The following ERMP1 variants were observed in gnomAD, a reference collection of about 807,000 sequenced individuals.
ERMP1 encodes endoplasmic reticulum metallopeptidase 1.
A neutral mutation model predicts 92.0 loss-of-function variants in ERMP1; 86 were observed. The observed-to-expected ratio is 0.93, with a 90% CI of 0.79 to 1.12. The LOEUF is 1.12. Ranked by LOEUF, ERMP1 falls within the 50% of genes most tolerant of loss-of-function variation. The pLI, the probability that ERMP1 is intolerant of heterozygous loss-of-function variation, is 0.00. For synonymous variants in ERMP1, 530 were observed against 412.8 expected, an observed-to-expected ratio of 1.28 and a Z score of -3.44; for missense variants, 1,342 against 1,116.3, an observed-to-expected ratio of 1.20 and a Z score of -2.88.
At chr9:5,792,561 A>G (rs13285644) in intron 13 of ERMP1, among the ~76,000 whole-genome samples, 2,937 of 152,298 alleles carry the variant, frequency 0.019, 31 homozygotes, top group Non-Finnish European at 0.025. Flanking sequence ...TAAGGCTCCT[A>G]AATTGCTGGT....
intron 6 of ERMP1, among the ~76,000 whole-genome samples, chr9:5,858,892 C>G (rs1830420322): frequency 6.6e-6 from 1 of 152,188 alleles, no homozygotes; most frequent in Non-Finnish European, 1.5e-5. Context: ...ACCAGGCAGG[C>G]TTCAAGCAGT....
rs375487243 is a variant in ERMP1 at position 5,797,023 on chromosome 9, A to G, written c.2386+794T>C. On this transcript the variant is annotated intron_variant, in intron 13 of 14. Transcript: ENST00000339450. ...TCTACTTAATTTTTCTGTAAACTTA[A>G]CATTGCTCCAAAAAATAAAAATAAT... is the stretch of plus-strand genomic sequence containing the variant. Among the ~76,000 whole-genome samples, 308 of 151,882 alleles carry G rather than the reference A, an allele frequency of 2.0e-3. 1 individual carries two copies. The highest frequency in any genetic ancestry group is 3.5e-3 in the Non-Finnish European group (237 of 67,978).
intron 13 of ERMP1, chr9:5,791,256 C>G (rs1301018870): frequency 2.2e-6 from 1 of 456,724 alleles, no homozygotes; most frequent in Non-Finnish European, 4.4e-6. Context: ...GCTGGCAAGT[C>G]CAAAATCTGA....
Position 5,833,117 on chromosome 9 carries a change from T to C in ERMP1, c.-90A>G. ...CCGCCGTCGCTGCCGCAGCGCCTCC[T>C]AGTGAGCGGACGGAAACTGCAGAGG... is the stretch of plus-strand genomic sequence containing the variant. On this transcript the variant is annotated 5_prime_UTR_variant, in exon 1 of 15. Coordinates refer to ENST00000339450, the MANE Select transcript of ERMP1 (RefSeq NM_024896.3). The C allele has an allele frequency of 8.4e-7, 1 of 1,187,002 alleles. No homozygotes were observed. The highest frequency in any genetic ancestry group is 1.1e-6 in the Non-Finnish European group (1 of 900,434). The allele number at this position is 1,187,002 out of a possible 1,614,324, so 73.5% of individuals were successfully genotyped here.
chr9:5,822,208 T>C (rs998577324), intron 4 of ERMP1, among the ~76,000 whole-genome samples: 5 of 151,846 alleles, frequency 3.3e-5, no homozygotes, highest in African/African-American at 1.2e-4. Flanking sequence ...GCCGAGATCA[T>C]ACCACTACAC....
At chr9:5,863,308 T>A (rs532035630) in intron 5 of ERMP1, among the ~76,000 whole-genome samples, 6 of 152,354 alleles carry the variant, frequency 3.9e-5, no homozygotes, top group African/African-American at 1.4e-4. Context: ...GACTTTAAAG[T>A]AGACGATGCC....
At chr9:5,807,743 C>G (rs1301108200) in intron 8 of ERMP1, among the ~76,000 whole-genome samples, 1 of 151,952 alleles carries the variant, frequency 6.6e-6, no homozygotes, top group Non-Finnish European at 1.5e-5. Flanking sequence ...GAGACTCTGT[C>G]TCAACAACAA....
At chr9:5,787,949 T>C (rs549054039) in intron 13 of ERMP1, among the ~76,000 whole-genome samples, 48 of 152,302 alleles carry the variant, frequency 3.2e-4, no homozygotes, top group South Asian at 1.0e-3. Context: ...GCTGTAACAG[T>C]ACTGAATAGG....
chr9:5,792,411 A>C (rs1180989243), intron 13 of ERMP1, among the ~76,000 whole-genome samples: 3 of 152,222 alleles, frequency 2.0e-5, no homozygotes, highest in African/African-American at 7.2e-5. Flanking sequence ...AAAGGGAATA[A>C]AATGTACCAA....
At chr9:5,845,025 AC>A (rs895795795) in intron 6 of ERMP1, among the ~76,000 whole-genome samples, 2 of 150,048 alleles carry the variant, frequency 1.3e-5, no homozygotes, top group African/African-American at 4.9e-5. Context: ...ATGTCCCCCC[AC>A]CCCCGCCAGC....
At chr9:5,837,606 A>G (rs1164417766), upstream of ERMP1, among the ~76,000 whole-genome samples, 2 of 152,200 alleles carry the variant, frequency 1.3e-5, no homozygotes, top group African/African-American at 4.8e-5. Flanking sequence ...ATGATTTTCA[A>G]AAAACGTTTT....
At position 5,830,754 on chromosome 9, in the gene ERMP1, G is replaced by A; in HGVS notation, c.613C>T (p.His205Tyr). ...GAQHAVLANC[H>Y]FDSVANSPGA... ...GGTGAGTTTGCTACTGAGTCAAAAT[G>A]ACAATTAGCCAAGACAGCATGCTGG... is the stretch of plus-strand genomic sequence containing the variant. Residue 205 changes from histidine (H) to tyrosine (Y), a missense_variant, in exon 2 of 15, where the codon CAT (histidine) becomes TAT (tyrosine). Coordinates refer to ENST00000339450, the MANE Select transcript of ERMP1 (RefSeq NM_024896.3). 6.2e-7 allele frequency: 1 copy of A among 1,612,866 alleles called. No homozygotes were observed. Among genetic ancestry groups the A allele is most frequent in the South Asian group, 1.1e-5 (1 of 90,968 alleles).
chr9:5,807,985 G>GT (rs202034936), intron 8 of ERMP1, among the ~76,000 whole-genome samples: 15 of 151,226 alleles, frequency 9.9e-5, no homozygotes, highest in South Asian at 2.1e-4. Context: ...CATCATTCTT[G>GT]TTTTTTTTAA....
chr9:5,812,473 G>T (rs1175577909), intron 5 of ERMP1, among the ~76,000 whole-genome samples: 4 of 152,210 alleles, frequency 2.6e-5, no homozygotes, highest in Admixed American at 2.6e-4. Flanking sequence ...ACACAGCAAG[G>T]ATAGGAATAT....
intron 6 of ERMP1, among the ~76,000 whole-genome samples, chr9:5,838,552 G>A (rs111324320): frequency 0.013 from 1,952 of 151,306 alleles, 44 homozygotes; most frequent in African/African-American, 0.045. Flanking sequence ...AGAAGAAGAA[G>A]AAGAATTCAT....
intron 5 of ERMP1, among the ~76,000 whole-genome samples, chr9:5,859,780 C>T (rs999115486): frequency 6.6e-6 from 1 of 152,174 alleles, no homozygotes; most frequent in African/African-American, 2.4e-5. Flanking sequence ...ACTACAGAGA[C>T]GTACTATAAT....
chr9:5,845,485 T>G (rs761305211), intron 6 of ERMP1, among the ~76,000 whole-genome samples: 76 of 152,152 alleles, frequency 5.0e-4, no homozygotes, highest in Middle Eastern at 3.4e-3. Flanking sequence ...CTTATTCAAG[T>G]TATCTTCTCT....
chr9:5,840,536 C>T (rs1018665880), intron 6 of ERMP1, among the ~76,000 whole-genome samples: 1 of 152,218 alleles, frequency 6.6e-6, no homozygotes, highest in South Asian at 2.1e-4. Flanking sequence ...CCCTCCCCGG[C>T]CCCCAGGGCC....
intron 2 of ERMP1, among the ~76,000 whole-genome samples, chr9:5,826,584 T>G (rs1829738878): frequency 6.6e-6 from 1 of 152,204 alleles, no homozygotes; most frequent in African/African-American, 2.4e-5. Context: ...ACCCCATTCC[T>G]ACTTAAGAAG....
Sources: allele counts gnomAD v4.1 joint callset (sites outside exome capture counted in the v4.1 genomes callset), GRCh38; gene constraint gnomAD v4.1.1; transcripts MANE v1.5; gene names NCBI Gene and HGNC (gene_info 2026-07-23, HGNC 2026-07-21).